Variants in UMAD1 observed in about 807,000 individuals in gnomAD.
UMAD1 encodes UBAP1-MVB12-associated (UMA) domain containing 1.
UMAD1 carries 8 observed loss-of-function variants against 6.1 expected under a neutral mutation model. The observed-to-expected ratio is 1.30, with a 90% CI of 0.76 to 2.35. The LOEUF (loss-of-function observed/expected upper bound fraction) is 2.35, where lower values mean the gene tolerates loss of function less well. UMAD1 is among the 30% of genes most tolerant of loss of function. The pLI, the probability that UMAD1 is intolerant of heterozygous loss-of-function variation, is 0.00. For synonymous variants in UMAD1, 56 were observed against 31.4 expected (o/e 1.78, Z -2.61); for missense variants, 130 against 78.4 (o/e 1.66, Z -2.49).
At chr7:7,735,258 G>T (rs932879657) in intron 2 of UMAD1, among the ~76,000 whole-genome samples, 3 of 152,122 alleles carry the variant, frequency 2.0e-5, no homozygotes, top group African/African-American at 7.2e-5. Flanking sequence ...AAATTAGAAG[G>T]AAAGTTAGTA....
At chr7:7,856,473 A>G (rs550407759) in intron 3 of UMAD1, among the ~76,000 whole-genome samples, 11 of 152,268 alleles carry the variant, frequency 7.2e-5, no homozygotes, top group African/African-American at 2.6e-4. Flanking sequence ...CATGGGGAAA[A>G]CCACCCCAAT....
intron 3 of UMAD1, among the ~76,000 whole-genome samples, chr7:7,809,730 G>C (rs1253435634): frequency 6.6e-6 from 1 of 151,780 alleles, no homozygotes; most frequent in Non-Finnish European, 1.5e-5. Context: ...CCTAAAATTT[G>C]ATTTTCTGAA....
intron 2 of UMAD1, among the ~76,000 whole-genome samples, chr7:7,713,111 G>A (rs1780808642): frequency 6.6e-6 from 1 of 152,032 alleles, no homozygotes; most frequent in Non-Finnish European, 1.5e-5. Flanking sequence ...GGCTAAGGCA[G>A]GCAGATCACA....
chr7:7,727,204 C>T (rs1781155370), intron 2 of UMAD1, among the ~76,000 whole-genome samples: 1 of 152,190 alleles, frequency 6.6e-6, no homozygotes, highest in Non-Finnish European at 1.5e-5. Flanking sequence ...ATGAGTATTT[C>T]TTCCTCTTTT....
intron 2 of UMAD1, among the ~76,000 whole-genome samples, chr7:7,769,545 C>CT (rs1256946904): frequency 6.6e-6 from 1 of 152,076 alleles, no homozygotes; most frequent in Non-Finnish European, 1.5e-5. Context: ...GTGAAATGCT[C>CT]GTCGAGTGCT....
chr7:7,800,958 G>T (rs1347181232), intron 2 of UMAD1, among the ~76,000 whole-genome samples: 1 of 152,174 alleles, frequency 6.6e-6, no homozygotes, highest in Admixed American at 6.5e-5. Context: ...CTAATAGGTA[G>T]TCTCTATCAT....
At chr7:7,852,405 G>A (rs1457740000) in intron 3 of UMAD1, among the ~76,000 whole-genome samples, 1 of 152,100 alleles carries the variant, frequency 6.6e-6, no homozygotes, top group East Asian at 1.9e-4. Context: ...AGATCCCACA[G>A]ATTGTGGGCT....
intron 2 of UMAD1, among the ~76,000 whole-genome samples, chr7:7,676,678 T>C (rs1583722748): frequency 1.3e-5 from 2 of 152,220 alleles, no homozygotes; most frequent in African/African-American, 2.4e-5. Context: ...CCAAACTTTT[T>C]ACTATTTAAT....
At chr7:7,815,683 C>A (rs887535368) in intron 3 of UMAD1, among the ~76,000 whole-genome samples, 1 of 152,002 alleles carries the variant, frequency 6.6e-6, no homozygotes, top group Non-Finnish European at 1.5e-5. Flanking sequence ...AGAAACTTTT[C>A]AAAAAATCTC....
At chr7:7,870,600 C>G (rs1056664742) in intron 3 of UMAD1, among the ~76,000 whole-genome samples, 2 of 152,162 alleles carry the variant, frequency 1.3e-5, no homozygotes, top group African/African-American at 4.8e-5. Context: ...CCTGTTTAAA[C>G]CCCCAGCCCC....
At chr7:7,735,244 G>A (rs1563164807) in intron 2 of UMAD1, among the ~76,000 whole-genome samples, 1 of 152,114 alleles carries the variant, frequency 6.6e-6, no homozygotes, top group Non-Finnish European at 1.5e-5. Context: ...CCCATTACGG[G>A]ATCAAATTAG....
At chr7:7,834,521 G>T (rs1473064570) in intron 3 of UMAD1, among the ~76,000 whole-genome samples, 2 of 152,124 alleles carry the variant, frequency 1.3e-5, no homozygotes, top group Non-Finnish European at 2.9e-5. Context: ...TGGTTCTGGA[G>T]GCTGGTAAGT....
At position 7,694,066 on chromosome 7, in the gene UMAD1, G is replaced by A. The variant is rs112568556; in HGVS notation, c.82+20613G>A. ...CATTAGACACTTGAACAAGAGCAAA[G>A]CTTTAGATTTTTCTCCATACCTATA... On this transcript the variant is annotated intron_variant, in intron 2 of 3. Transcript: ENST00000682710. Among the ~76,000 whole-genome samples, 888 of 152,198 alleles carry A rather than the reference G, an allele frequency of 5.8e-3. 11 individuals carry two copies. Among genetic ancestry groups the A allele is most frequent in the African/African-American group, 0.02 (842 of 41,540 alleles).
chr7:7,801,152 A>G (rs888241033), intron 2 of UMAD1, among the ~76,000 whole-genome samples: 2 of 152,240 alleles, frequency 1.3e-5, no homozygotes, highest in Non-Finnish European at 2.9e-5. Flanking sequence ...TATTAAGTGA[A>G]GGCTAGTTTA....
intron 3 of UMAD1, among the ~76,000 whole-genome samples, chr7:7,854,740 C>A (rs953482048): frequency 3.9e-5 from 6 of 152,188 alleles, no homozygotes; most frequent in Admixed American, 3.9e-4. Flanking sequence ...ACAATCATAT[C>A]CTCCCAACAG....
At chr7:7,691,011 T>G (rs971971903) in intron 2 of UMAD1, among the ~76,000 whole-genome samples, 19 of 152,326 alleles carry the variant, frequency 1.2e-4, no homozygotes, top group African/African-American at 4.1e-4. Flanking sequence ...TTACAGGACC[T>G]TGAAGCATGT....
At chr7:7,745,492 A>C (rs1397314503) in intron 2 of UMAD1, among the ~76,000 whole-genome samples, 1 of 152,140 alleles carries the variant, frequency 6.6e-6, no homozygotes, top group African/African-American at 2.4e-5. Flanking sequence ...TGTGCTGTAG[A>C]ATTCAGGAAG....
chr7:7,796,877 C>A (rs1288383933), intron 2 of UMAD1, among the ~76,000 whole-genome samples: 1 of 152,126 alleles, frequency 6.6e-6, no homozygotes, highest in African/African-American at 2.4e-5. Context: ...AAAAACCCTA[C>A]CCCCAAACTC....
chr7:7,775,962 T>C (rs1464744003), intron 2 of UMAD1, among the ~76,000 whole-genome samples: 1 of 152,158 alleles, frequency 6.6e-6, no homozygotes, highest in Non-Finnish European at 1.5e-5. Context: ...TTTTCAGGGG[T>C]GATGGATCGT....
Sources: gnomAD v4.1 joint callset for allele counts (sites outside exome capture counted in the v4.1 genomes callset) on GRCh38, gnomAD v4.1.1 for gene constraint, MANE v1.5 for transcripts, NCBI Gene and HGNC (gene_info 2026-07-23, HGNC 2026-07-21) for gene names.